EML6: variants seen among roughly 807,000 people sequenced by gnomAD.
EML6 encodes the protein echinoderm microtubule-associated protein-like 6.
In EML6, 154 loss-of-function variants were observed where a neutral mutation model predicts 240.1. The observed-to-expected ratio is 0.64, with a 90% CI of 0.56 to 0.73. EML6 has a LOEUF of 0.73. Among genes scored for constraint, EML6 ranks in the 30% least tolerant of loss-of-function variants. The pLI is 0.00. For synonymous variants in EML6, 1,148 were observed against 899.0 expected, an observed-to-expected ratio of 1.28 and a Z score of -4.95; for missense variants, 2,964 against 2,474.6, an observed-to-expected ratio of 1.20 and a Z score of -4.20.
intron 25 of EML6, among the ~76,000 whole-genome samples, chr2:54,915,191 C>A (rs1282668389): frequency 1.3e-5 from 2 of 152,154 alleles, no homozygotes; most frequent in African/African-American, 4.8e-5. Flanking sequence ...CTGTAGCTTC[C>A]AGCAAGTTCG....
rs987417005 is a variant in EML6, at chr2:54,725,840, C to T, written c.197+582C>T. On this transcript the variant is annotated intron_variant, in intron 2 of 41. Coordinates refer to ENST00000356458, the MANE Select transcript of EML6 (RefSeq NM_001039753.4). The surrounding 1 kb of genome is among the most constrained non-coding windows in gnomAD (Gnocchi z 4.3). ...AGCATATTTATACACTAAATGGATG[C>T]TTCCACAGCATCATTGAGGTTATTA... 1.3e-5 allele frequency among the ~76,000 whole-genome samples: 2 copies of T among 152,192 alleles called. No individual in the cohort carries two copies.
chr2:54,811,442 C>A (rs1420250076), intron 2 of EML6, among the ~76,000 whole-genome samples: 2 of 152,162 alleles, frequency 1.3e-5, no homozygotes, highest in African/African-American at 4.8e-5. Flanking sequence ...CCCTAATGTC[C>A]TGGGCAGCTG....
chr2:54,824,218 G>A (rs1360423924), intron 5 of EML6, among the ~76,000 whole-genome samples: 4 of 152,116 alleles, frequency 2.6e-5, no homozygotes, highest in African/African-American at 4.8e-5. Context: ...TCTAAAAGCA[G>A]AAAAGCAGAG....
At chr2:54,830,927 G>A (rs1342968018) in intron 7 of EML6, among the ~76,000 whole-genome samples, 1 of 152,216 alleles carries the variant, frequency 6.6e-6, no homozygotes, top group East Asian at 1.9e-4. Flanking sequence ...GGCATAGGAA[G>A]TTGTGGAATT....
At position 54,858,989 on chromosome 2, in the gene EML6, C is replaced by T. The variant is rs142905502; in HGVS notation, c.1658-545C>T. On this transcript the variant is annotated intron_variant, in intron 11 of 41. Coordinates refer to ENST00000356458, the MANE Select transcript of EML6 (RefSeq NM_001039753.4). ...TGTGTACTGAGCATATGCTGATATG[C>T]TGAAGGCTTTACTACTGTAGTTCAA... 7.1e-3 allele frequency among the ~76,000 whole-genome samples: 1,089 copies of T among 152,310 alleles called. 5 individuals are homozygous for T. The highest frequency in any genetic ancestry group is 1.0e-2 in the Non-Finnish European group (679 of 68,022).
chr2:54,809,709 T>A (rs1420354936), intron 2 of EML6, among the ~76,000 whole-genome samples: 1 of 152,204 alleles, frequency 6.6e-6, no homozygotes, highest in Non-Finnish European at 1.5e-5. Context: ...TAAATACTTA[T>A]TAAATAAATC....
At chr2:54,811,491 C>G (rs1667840924) in intron 2 of EML6, among the ~76,000 whole-genome samples, 1 of 152,198 alleles carries the variant, frequency 6.6e-6, no homozygotes. Flanking sequence ...CTCCATCTTT[C>G]TGTGTTACTG....
chr2:54,950,953 A>G (rs931477191), intron 30 of EML6, among the ~76,000 whole-genome samples, 174 bp downstream of exon 30: 1 of 152,174 alleles, frequency 6.6e-6, no homozygotes, highest in Non-Finnish European at 1.5e-5. Context: ...TACCAGAGTC[A>G]GAGCCTTCTC....
At chr2:54,882,873 A>AAAAAAAAAAAAAAAAAAAAAAAAGAGAG (rs796515025) in intron 17 of EML6, 2 of 112,358 alleles carry the variant, frequency 1.8e-5, no homozygotes, top group African/African-American at 7.0e-5. Flanking sequence ...AAAAAAAAAA[A>AAAAAAAAAAAAAAAAAAAAAAAAGAGAG]AGAAAGCTTA....
chr2:54,763,077 C>T (rs963129286), intron 2 of EML6, among the ~76,000 whole-genome samples: 1 of 152,170 alleles, frequency 6.6e-6, no homozygotes, highest in African/African-American at 2.4e-5. Context: ...CTCTTTTCTT[C>T]CATAGTGAGA....
intron 16 of EML6, among the ~76,000 whole-genome samples, chr2:54,872,511 C>T (rs1048592820): frequency 2.6e-5 from 4 of 152,142 alleles, no homozygotes; most frequent in East Asian, 1.9e-4. Context: ...AATTCTATCC[C>T]CTCTTCCTCA....
At chr2:54,790,777 G>C (rs897068485) in intron 2 of EML6, among the ~76,000 whole-genome samples, 11 of 146,786 alleles carry the variant, frequency 7.5e-5, no homozygotes, top group Non-Finnish European at 1.6e-4. Context: ...CCAGGCTGGA[G>C]TGCAGTGGCG....
At chr2:54,903,599 A>T in intron 24 of EML6, 97 bp downstream of exon 24, 423 of 651,048 alleles carry the variant, frequency 6.5e-4, no homozygotes, top group East Asian at 1.2e-3. Flanking sequence ...AGTGTTAGAA[A>T]TGGGAAAGGG....
At chr2:54,802,933 T>A (rs1259713725) in intron 2 of EML6, among the ~76,000 whole-genome samples, 1 of 152,162 alleles carries the variant, frequency 6.6e-6, no homozygotes, top group African/African-American at 2.4e-5. Flanking sequence ...GAATCCAAAC[T>A]GCGCAGAATT....
intron 2 of EML6, among the ~76,000 whole-genome samples, chr2:54,740,878 CT>C (rs1180675213): frequency 6.6e-6 from 1 of 152,150 alleles, no homozygotes; most frequent in Non-Finnish European, 1.5e-5. Context: ...TGCAGGTCAT[CT>C]TTCTTGCCTT....
intron 2 of EML6, among the ~76,000 whole-genome samples, chr2:54,800,261 T>A (rs1670058523): frequency 6.6e-6 from 1 of 152,146 alleles, no homozygotes; most frequent in Non-Finnish European, 1.5e-5. Context: ...TTGTTTGCTC[T>A]GGAGGAGTTG....
rs186827401 is a variant in EML6, at chr2:54,823,287, T to A, written c.525+2825T>A. Among the ~76,000 whole-genome samples, 6 of 152,124 alleles carry A rather than the reference T, an allele frequency of 3.9e-5. No individual in the cohort carries two copies. The East Asian group carries it at 1.2e-3, about 29-fold the overall frequency. On this transcript the variant is annotated intron_variant, in intron 5 of 41. Coordinates refer to ENST00000356458, the MANE Select transcript of EML6 (RefSeq NM_001039753.4). ...CTGAGCCTCAGTGGGTGGGTGAGTT[T>A]GGTAGGAAGGGTCGGGAGGCAGAAC...
rs184497272 is a variant in EML6, at chr2:54,885,766, C to T, written c.2439-5288C>T. Among the ~76,000 whole-genome samples the T allele has an allele frequency of 2.5e-3, 374 of 152,152 alleles. 6 individuals carry two copies. The East Asian group carries it at 0.052, about 21-fold the overall frequency. On this transcript the variant is annotated intron_variant, in intron 17 of 41. Transcript: ENST00000356458. ...AGCTGGGACTACAGGCGCCAGCCAC[C>T]GCGCCCGGCTAATTTTTTGTATTTT...
chr2:54,872,892 C>T (rs1671327895), intron 16 of EML6, among the ~76,000 whole-genome samples: 1 of 152,146 alleles, frequency 6.6e-6, no homozygotes, highest in African/African-American at 2.4e-5. Flanking sequence ...TGTCATTGCT[C>T]TTATGGCACC....
Sources: allele counts gnomAD v4.1 joint callset (sites outside exome capture counted in the v4.1 genomes callset), GRCh38; gene constraint gnomAD v4.1.1; non-coding constraint Gnocchi (gnomAD v3.1); transcripts MANE v1.5; gene names NCBI Gene and HGNC (gene_info 2026-07-23, HGNC 2026-07-21).